The following DLG2 variants were observed in gnomAD, a reference collection of about 807,000 sequenced individuals.
DLG2 encodes discs large MAGUK scaffold protein 2.
DLG2 carries 45 observed loss-of-function variants against 132.5 expected under a neutral mutation model. The ratio of observed to expected loss-of-function variants is 0.34; its 90% confidence interval spans 0.27 to 0.44. The LOEUF (loss-of-function observed/expected upper bound fraction) is 0.44. Ranked by LOEUF, DLG2 falls within the 20% of genes least tolerant of loss-of-function variation. DLG2 has a pLI of 1.00. For synonymous variants in DLG2, 424 were observed against 419.6 expected (o/e 1.01, Z -0.13); for missense variants, 1,045 against 1,196.9 (o/e 0.87, Z 1.87).
At chr11:85,473,470 A>G (rs762048542) in intron 3 of DLG2, among the ~76,000 whole-genome samples, 1 of 152,240 alleles carries the variant, frequency 6.6e-6, no homozygotes, top group Non-Finnish European at 1.5e-5. Flanking sequence ...TGTTTAAAAG[A>G]ACTATATTTT....
intron 15 of DLG2, among the ~76,000 whole-genome samples, chr11:83,891,670 T>G (rs2069908874): frequency 1.3e-5 from 2 of 152,114 alleles, no homozygotes; most frequent in Non-Finnish European, 2.9e-5. Flanking sequence ...ACAGAGCCAT[T>G]CTGTAGAGCA....
chr11:85,057,899 CTT>C (rs1335449493), intron 6 of DLG2, among the ~76,000 whole-genome samples: 2 of 151,426 alleles, frequency 1.3e-5, no homozygotes, highest in Admixed American at 1.3e-4. Flanking sequence ...AAGTTCAACA[CTT>C]ATTTTTAAAA....
At chr11:84,384,048 A>T (rs1392204698) in intron 7 of DLG2, among the ~76,000 whole-genome samples, 2 of 147,864 alleles carry the variant, frequency 1.4e-5, no homozygotes, top group African/African-American at 5.0e-5. Context: ...AAGAGCAGTT[A>T]CTGTGTCTTT....
chr11:85,515,036 T>A (rs1398110892), intron 3 of DLG2, among the ~76,000 whole-genome samples: 1 of 151,890 alleles, frequency 6.6e-6, no homozygotes, highest in African/African-American at 2.4e-5. Context: ...AGTGATAAGG[T>A]GGACTGTCAA....
intron 7 of DLG2, among the ~76,000 whole-genome samples, chr11:84,433,903 G>A (rs1053966152): frequency 3.3e-5 from 5 of 152,128 alleles, no homozygotes; most frequent in African/African-American, 9.7e-5. Flanking sequence ...GATCACTTGA[G>A]CTCAGGAGTT....
At chr11:84,790,092 G>T in intron 6 of DLG2, among the ~76,000 whole-genome samples, 1 of 152,118 alleles carries the variant, frequency 6.6e-6, no homozygotes, top group East Asian at 1.9e-4. Flanking sequence ...TTTCTTTTCA[G>T]TATATAGCGA....
rs2096995222 is a variant in DLG2, at chr11:84,226,410, T to G, written c.573+24828A>C. Among the ~76,000 whole-genome samples, 3 of 152,296 alleles carry G rather than the reference T, an allele frequency of 2.0e-5. No homozygotes were observed. The South Asian group carries it at 6.2e-4, about 32-fold the overall frequency. On this transcript the variant is annotated intron_variant, in intron 8 of 27. Transcript: ENST00000376104. ...AAGTAGCATGAAGTTTTAAGAAAGT[T>G]AATTGTTCACACAGGACTCGACTCA...
At chr11:83,986,643 C>A (rs1005636365) in intron 11 of DLG2, among the ~76,000 whole-genome samples, 2 of 151,872 alleles carry the variant, frequency 1.3e-5, no homozygotes, top group Non-Finnish European at 2.9e-5. Context: ...ACACTGACTT[C>A]CACAATGGTT....
chr11:84,627,283 A>T (rs1367004668), intron 6 of DLG2, among the ~76,000 whole-genome samples: 2 of 152,168 alleles, frequency 1.3e-5, no homozygotes, highest in Non-Finnish European at 2.9e-5. Context: ...CAACATTCTC[A>T]GTTGTTATTT....
intron 7 of DLG2, among the ~76,000 whole-genome samples, chr11:84,531,312 T>G (rs1261961636): frequency 6.6e-6 from 1 of 152,058 alleles, no homozygotes; most frequent in East Asian, 1.9e-4. Context: ...CAACAGACAC[T>G]GAGACCTACT....
intron 18 of DLG2, among the ~76,000 whole-genome samples, chr11:83,741,066 A>G (rs1424756255): frequency 1.3e-5 from 2 of 152,224 alleles, no homozygotes; most frequent in African/African-American, 2.4e-5. Context: ...GATCATCTTA[A>G]TAGATGCAGA....
intron 6 of DLG2, among the ~76,000 whole-genome samples, chr11:84,915,214 A>G (rs2092379699): frequency 6.6e-6 from 1 of 152,226 alleles, no homozygotes; most frequent in African/African-American, 2.4e-5. Context: ...AAGTCAATAA[A>G]GAAGGTTAAT....
At chr11:85,483,346 A>C (rs1328697662) in intron 3 of DLG2, among the ~76,000 whole-genome samples, 1 of 152,232 alleles carries the variant, frequency 6.6e-6, no homozygotes, top group African/African-American at 2.4e-5. Context: ...TTTTTAAAAA[A>C]TGTGCCAACT....
chr11:85,257,720 A>C (rs570539026), intron 4 of DLG2, among the ~76,000 whole-genome samples: 13 of 152,344 alleles, frequency 8.5e-5, no homozygotes, highest in Admixed American at 6.5e-4. Flanking sequence ...ATGTTATCCT[A>C]TGTAATACAA....
chr11:85,216,850 C>T (rs1186642560), intron 4 of DLG2, among the ~76,000 whole-genome samples: 2 of 152,014 alleles, frequency 1.3e-5, no homozygotes, highest in Admixed American at 1.3e-4. Flanking sequence ...CACCTGCCAC[C>T]ACGCCCAGCT....
chr11:83,562,375 C>T (rs61902107), intron 19 of DLG2, among the ~76,000 whole-genome samples: 1,987 of 152,100 alleles, frequency 0.013, 25 homozygotes, highest in Middle Eastern at 0.048. Context: ...CATTTTGATT[C>T]GCATAAATGT....
intron 6 of DLG2, among the ~76,000 whole-genome samples, chr11:84,616,521 T>C (rs1014855531): frequency 1.3e-5 from 2 of 152,072 alleles, no homozygotes; most frequent in Non-Finnish European, 2.9e-5. Flanking sequence ...CACTGTCCAG[T>C]AGAATAATTT....
intron 6 of DLG2, among the ~76,000 whole-genome samples, chr11:84,988,170 T>C (rs1407730473): frequency 6.6e-6 from 1 of 152,048 alleles, no homozygotes; most frequent in Non-Finnish European, 1.5e-5. Context: ...ATCAGGGAAA[T>C]GCACACCAAA....
At position 83,984,185 on chromosome 11, in the gene DLG2, AGATAGAT is replaced by A. The variant is rs773474567; in HGVS notation, c.920-3550_920-3544del. Among the ~76,000 whole-genome samples, 822 of 135,048 alleles carry A rather than the reference AGATAGAT, an allele frequency of 6.1e-3. 5 individuals carry two copies. Among genetic ancestry groups the A allele is most frequent in the Middle Eastern group, 0.016 (4 of 256 alleles). The allele number at this position is 135,048 out of a possible 152,430, so 88.6% of individuals were successfully genotyped here. ...TGAAAGCACTATGGATACTGTAGAT[AGATAGAT>A]GATAGATAGATAGATAGATAGATAG... On this transcript the variant is annotated intron_variant, in intron 11 of 27. Coordinates refer to ENST00000376104, the MANE Select transcript of DLG2 (RefSeq NM_001142699.3).
Sources: gnomAD v4.1 joint callset for allele counts (sites outside exome capture counted in the v4.1 genomes callset) on GRCh38, gnomAD v4.1.1 for gene constraint, MANE v1.5 for transcripts, NCBI Gene and HGNC (gene_info 2026-07-23, HGNC 2026-07-21) for gene names.